SEM1: variants seen among roughly 807,000 people sequenced by gnomAD.
SEM1 encodes the protein 26S proteasome complex subunit SEM1.
A neutral mutation model predicts 12.7 loss-of-function variants in SEM1; 3 were observed. The ratio of observed to expected loss-of-function variants is 0.24; its 90% CI spans 0.11 to 0.61. The LOEUF is 0.61. Among genes scored for constraint, SEM1 ranks in the 20% least tolerant of loss-of-function variants. The pLI, the probability that SEM1 is intolerant of heterozygous loss-of-function variation, is 0.88. For missense variants in SEM1, 59 were observed against 81.3 expected, an observed-to-expected ratio of 0.73 and a Z score of 1.06; for synonymous variants, 30 against 27.8, an observed-to-expected ratio of 1.08 and a Z score of -0.25.
At chr7:96,500,482 T>G (rs78385398), upstream of SEM1, among the ~76,000 whole-genome samples, 752 of 152,254 alleles carry the variant, frequency 4.9e-3, 4 homozygotes, top group African/African-American at 0.017. Context: ...TCGTCATACA[T>G]TTTTTGGATC....
At chr7:96,696,374 G>A (rs1224111890) in intron 1 of SEM1, 1 of 151,918 alleles carries the variant, frequency 6.6e-6, no homozygotes, top group African/African-American at 2.4e-5. Flanking sequence ...TGACACTACT[G>A]AGTAAACAAA....
chr7:96,709,819 T>G lies in SEM1; in HGVS notation c.-56A>C. ...TAAGCAGAAAAGTTGGAACCCTCAC[T>G]CTTCCTCAAGGAAACGCCACCGTCA... On this transcript the variant is annotated 5_prime_UTR_variant, in exon 1 of 3. Coordinates refer to ENST00000248566, the MANE Select transcript of SEM1 (RefSeq NM_006304.2). The G allele has an allele frequency of 1.3e-6, 2 of 1,562,414 alleles. No individual in the cohort carries two copies. Among genetic ancestry groups the G allele is most frequent in the African/African-American group, 1.4e-5 (1 of 73,690 alleles).
downstream of SEM1, among the ~76,000 whole-genome samples, chr7:96,671,798 G>C (rs1472185224): frequency 1.3e-5 from 2 of 152,214 alleles, no homozygotes; most frequent in African/African-American, 2.4e-5. Flanking sequence ...AATTACTCAT[G>C]TAAAAACTCC....
At chr7:96,685,283 C>T (rs1789730173), downstream of SEM1, among the ~76,000 whole-genome samples, 2 of 152,020 alleles carry the variant, frequency 1.3e-5, no homozygotes, top group Admixed American at 6.6e-5. Context: ...AAATGCTGAC[C>T]ATTATTACAT....
chr7:96,578,605 A>G (rs1806285328), intron 2 of SEM1, among the ~76,000 whole-genome samples: 1 of 152,240 alleles, frequency 6.6e-6, no homozygotes, highest in African/African-American at 2.4e-5. Context: ...GATCCCTAAA[A>G]GAACTAAGAT....
rs372406298 is a variant in SEM1 at position 96,518,222 on chromosome 7, C to T, written c.171-11524G>A. On this transcript the variant is annotated intron_variant and NMD_transcript_variant, in intron 2 of 3. Transcript: ENST00000466986. ...AGGTATAGTGTTGAGGGAAAGTCAC[C>T]CCATATTATTCTTACTCAAATTCGG... Among the ~76,000 whole-genome samples the T allele has an allele frequency of 4.7e-4, 72 of 152,148 alleles. 1 individual carries two copies. The South Asian group carries it at 1.0e-2, about 21-fold the overall frequency.
chr7:96,554,377 C>A (rs1332000532), intron 2 of SEM1, among the ~76,000 whole-genome samples: 2 of 128,822 alleles, frequency 1.6e-5, no homozygotes, highest in African/African-American at 2.8e-5. Flanking sequence ...CCCATCAATA[C>A]CTAATTTATT....
chr7:96,604,640 C>T (rs1331095167), intron 2 of SEM1, among the ~76,000 whole-genome samples: 3 of 151,878 alleles, frequency 2.0e-5, no homozygotes, highest in Non-Finnish European at 4.4e-5. Flanking sequence ...GAATCAGGGC[C>T]GGGTGTGGTG....
At chr7:96,705,662 CA>C (rs1039554460) in intron 1 of SEM1, among the ~76,000 whole-genome samples, 1 of 151,332 alleles carries the variant, frequency 6.6e-6, no homozygotes, top group African/African-American at 2.4e-5. Flanking sequence ...CCCATCTCTA[CA>C]AAAAAAATTA....
chr7:96,559,101 T>A (rs1483927830), intron 2 of SEM1, among the ~76,000 whole-genome samples: 1 of 152,214 alleles, frequency 6.6e-6, no homozygotes, highest in African/African-American at 2.4e-5. Flanking sequence ...TACTATGCTT[T>A]AGGGATACAC....
chr7:96,629,822 C>A (rs1808191099), intron 2 of SEM1, among the ~76,000 whole-genome samples: 1 of 152,172 alleles, frequency 6.6e-6, no homozygotes, highest in South Asian at 2.1e-4. Flanking sequence ...GAGTTGTGAT[C>A]TAAGCTGTAT....
At chr7:96,594,410 T>TA (rs57715610) in intron 2 of SEM1, among the ~76,000 whole-genome samples, 18,901 of 151,054 alleles carry the variant, frequency 0.13, 1,223 homozygotes, top group Non-Finnish European at 0.14. Flanking sequence ...CCCCCACCAT[T>TA]AAAAAAAAAT....
chr7:96,497,018 C>T (rs1187747771), upstream of SEM1, among the ~76,000 whole-genome samples: 2 of 152,092 alleles, frequency 1.3e-5, no homozygotes, highest in South Asian at 2.1e-4. Context: ...TACACACACA[C>T]ACACACACAC....
intron 2 of SEM1, among the ~76,000 whole-genome samples, chr7:96,537,650 C>T (rs1365669422): frequency 2.0e-5 from 3 of 151,660 alleles, no homozygotes; most frequent in Non-Finnish European, 4.4e-5. Flanking sequence ...CCAGTGTCTT[C>T]CTTGCCCCAC....
intron 2 of SEM1, among the ~76,000 whole-genome samples, chr7:96,583,759 T>C (rs1806502743): frequency 6.6e-6 from 1 of 150,836 alleles, no homozygotes; most frequent in Non-Finnish European, 1.5e-5. Flanking sequence ...TCTTTGTTGG[T>C]TTAAAGTCTG....
chr7:96,666,637 ATT>A (rs201188530), intron 2 of SEM1, among the ~76,000 whole-genome samples: 55 of 134,402 alleles, frequency 4.1e-4, no homozygotes, highest in Admixed American at 6.7e-4. Flanking sequence ...ATTGAATCCA[ATT>A]TTTTTTTTTT....
Position 96,632,765 on chromosome 7 carries a change from T to G in SEM1, c.171-10122A>C, listed in dbSNP as rs868725230. Among the ~76,000 whole-genome samples the G allele has an allele frequency of 1.9e-4, 26 of 138,414 alleles. 1 individual carries two copies. Among genetic ancestry groups the G allele is most frequent in the African/African-American group, 5.0e-4 (19 of 37,880 alleles). The allele number at this position is 138,414 out of a possible 152,430, so 90.8% of individuals were successfully genotyped here. A position where few individuals can be genotyped will look rare whatever the true frequency, so the allele number is the denominator to read the frequency against. Reference sequence around the variant, plus strand: ...TGATTTTTTGTTCTTATGAAGGTGGTTTTTTTTTGTTGTTTTTTGTTTTTT... The same window carrying G: ...TGATTTTTTGTTCTTATGAAGGTGGGTTTTTTTTGTTGTTTTTTGTTTTTT... On this transcript the variant is annotated intron_variant, in intron 2 of 2. Coordinates refer to the SEM1 transcript ENST00000417009.
At position 96,591,844 on chromosome 7, in the gene SEM1, A is replaced by T. The variant is rs529126596; in HGVS notation, c.171-85146T>A. Among the ~76,000 whole-genome samples, 4 of 150,940 alleles carry T rather than the reference A, an allele frequency of 2.7e-5. No homozygotes were observed. In the South Asian group the frequency reaches 8.4e-4, roughly 32 times the overall value. ...TTTTTTTTTCCTTTCAAAACAACAG[A>T]CATTTGCTAAATTTCAGAGAAGCAC... On this transcript the variant is annotated intron_variant and NMD_transcript_variant, in intron 2 of 3. Coordinates refer to the SEM1 transcript ENST00000466986.
At chr7:96,486,554 C>A (rs1043476041) in intron 1 of SEM1, 8 of 681,718 alleles carry the variant, frequency 1.2e-5, no homozygotes, top group Non-Finnish European at 1.7e-5. Flanking sequence ...GTGGGGAAAC[C>A]AAAAGCAGTG....
Sources: allele counts gnomAD v4.1 joint callset (sites outside exome capture counted in the v4.1 genomes callset), GRCh38; gene constraint gnomAD v4.1.1; transcripts MANE v1.5; gene names NCBI Gene and HGNC (gene_info 2026-07-23, HGNC 2026-07-21).